Variants in LINGO2 observed in about 807,000 individuals in gnomAD.
The protein encoded by LINGO2 is leucine rich repeat and Ig domain containing 2.
A neutral mutation model predicts 30.6 loss-of-function variants in LINGO2; 14 were observed. The ratio of observed to expected loss-of-function variants is 0.46; its 90% CI spans 0.30 to 0.72. LINGO2 has a LOEUF of 0.72. Among genes scored for constraint, LINGO2 ranks in the 30% least tolerant of loss-of-function variants. The pLI, the probability that LINGO2 is intolerant of heterozygous loss-of-function variation, is 0.07. For missense variants in LINGO2, 729 were observed against 751.7 expected, an observed-to-expected ratio of 0.97 and a Z score of 0.35; for synonymous variants, 317 against 288.5, an observed-to-expected ratio of 1.10 and a Z score of -1.00.
chr9:28,575,864 T>A (rs1018895101), intron 1 of LINGO2, among the ~76,000 whole-genome samples: 1 of 151,934 alleles, frequency 6.6e-6, no homozygotes, highest in Non-Finnish European at 1.5e-5. Flanking sequence ...GTATATATTA[T>A]AAAATTAATG....
chr9:28,959,366 T>C, the LINGO2 span, among the ~76,000 whole-genome samples: 2 of 151,754 alleles, frequency 1.3e-5, no homozygotes, highest in East Asian at 1.9e-4. Flanking sequence ...GTAAAAGAGA[T>C]AGATCAGAGG....
the LINGO2 span, among the ~76,000 whole-genome samples, chr9:28,966,821 T>A: frequency 6.6e-6 from 1 of 152,138 alleles, no homozygotes; most frequent in African/African-American, 2.4e-5. Flanking sequence ...AAAAGCAGCA[T>A]TATTTGAAAA....
intron 1 of LINGO2, among the ~76,000 whole-genome samples, chr9:28,665,891 CTTT>C (rs35393752): frequency 1.5e-5 from 2 of 132,432 alleles, no homozygotes; most frequent in Non-Finnish European, 1.6e-5. Flanking sequence ...TTTGGTGTTA[CTTT>C]TTTTTTTTTT....
chr9:28,493,228 C>T (rs1038702301), intron 1 of LINGO2, among the ~76,000 whole-genome samples: 3 of 152,096 alleles, frequency 2.0e-5, no homozygotes, highest in African/African-American at 7.2e-5. Context: ...CCTTTTTGTC[C>T]TAAAGGGAAT....
Position 27,991,073 on chromosome 9 carries a change from A to G in LINGO2, c.-36+21282T>C, listed in dbSNP as rs72722848. Among the ~76,000 whole-genome samples, 621 of 152,168 alleles carry G rather than the reference A, an allele frequency of 4.1e-3. 1 individual carries two copies. Among genetic ancestry groups the G allele is most frequent in the Non-Finnish European group, 7.9e-3 (538 of 67,956 alleles). The stretch of plus-strand genomic sequence containing the variant: ...ATACTATACCGAAAAGCCAACAAAA[A>G]AAGGGAAGGGTACTCTGAAAATGCC... On this transcript the variant is annotated intron_variant, in intron 5 of 5. Coordinates refer to ENST00000379992, the Ensembl canonical transcript of LINGO2.
the LINGO2 span, among the ~76,000 whole-genome samples, chr9:29,148,901 T>C: frequency 6.6e-6 from 1 of 152,160 alleles, no homozygotes; most frequent in Non-Finnish European, 1.5e-5. Flanking sequence ...GCCAACTGTT[T>C]TTCAAATATT....
chr9:28,101,019 T>C (rs1826399777), intron 4 of LINGO2, among the ~76,000 whole-genome samples: 1 of 152,094 alleles, frequency 6.6e-6, no homozygotes, highest in African/African-American at 2.4e-5. Context: ...AACTGCTCCT[T>C]TGAATATCTT....
chr9:28,336,642 C>T (rs1410777752), intron 3 of LINGO2, among the ~76,000 whole-genome samples: 1 of 152,032 alleles, frequency 6.6e-6, no homozygotes, highest in Non-Finnish European at 1.5e-5. Flanking sequence ...TTCAATGGTT[C>T]TAGTACTGTT....
At chr9:28,630,389 T>A (rs1217375334) in intron 1 of LINGO2, among the ~76,000 whole-genome samples, 1 of 152,056 alleles carries the variant, frequency 6.6e-6, no homozygotes, top group Non-Finnish European at 1.5e-5. Context: ...AACTAATTAG[T>A]CCTAACTTGA....
the LINGO2 span, among the ~76,000 whole-genome samples, chr9:28,941,568 C>A: frequency 6.6e-6 from 1 of 152,104 alleles, no homozygotes; most frequent in Non-Finnish European, 1.5e-5. Flanking sequence ...ATCTGTAAAT[C>A]TTGAGACTTT....
the LINGO2 span, among the ~76,000 whole-genome samples, chr9:28,738,913 T>C: frequency 6.6e-6 from 1 of 152,018 alleles, no homozygotes; most frequent in African/African-American, 2.4e-5. Flanking sequence ...TAATTTCTTA[T>C]GTGAAAAATA....
At chr9:28,506,990 G>A (rs1820166482) in intron 1 of LINGO2, among the ~76,000 whole-genome samples, 2 of 151,990 alleles carry the variant, frequency 1.3e-5, no homozygotes, top group Admixed American at 1.3e-4. Context: ...CTGTGTAATG[G>A]AAAGTTCACA....
chr9:28,767,173 C>G, the LINGO2 span, among the ~76,000 whole-genome samples: 1 of 152,030 alleles, frequency 6.6e-6, no homozygotes, highest in Non-Finnish European at 1.5e-5. Flanking sequence ...TGATGTACAG[C>G]ATGATGAGTA....
At chr9:28,132,997 G>T (rs567125853) in intron 4 of LINGO2, among the ~76,000 whole-genome samples, 66 of 152,202 alleles carry the variant, frequency 4.3e-4, no homozygotes, top group Admixed American at 3.3e-4. Flanking sequence ...CTTTCAGCCC[G>T]TACATTTTTA....
chr9:28,375,693 T>C (rs1387203166), intron 2 of LINGO2, among the ~76,000 whole-genome samples: 1 of 152,172 alleles, frequency 6.6e-6, no homozygotes, highest in African/African-American at 2.4e-5. Context: ...ACAGGTAGAA[T>C]ACATGGGTCT....
chr9:28,556,544 T>C (rs1822708204), intron 1 of LINGO2, among the ~76,000 whole-genome samples: 1 of 152,042 alleles, frequency 6.6e-6, no homozygotes, highest in Non-Finnish European at 1.5e-5. Flanking sequence ...GTAGGAAGAA[T>C]CAATATCGTG....
chr9:28,054,483 C>T (rs529750941), intron 4 of LINGO2, among the ~76,000 whole-genome samples: 78 of 152,236 alleles, frequency 5.1e-4, no homozygotes, highest in African/African-American at 1.6e-3. Flanking sequence ...TAGACCTTAG[C>T]TAACGTAGTA....
intron 3 of LINGO2, among the ~76,000 whole-genome samples, chr9:28,316,896 A>T (rs1256204167): frequency 1.3e-5 from 2 of 152,154 alleles, no homozygotes; most frequent in African/African-American, 4.8e-5. Flanking sequence ...GAATACAGAA[A>T]GCTCAATCTC....
At chr9:28,937,833 A>C in the LINGO2 span, among the ~76,000 whole-genome samples, 1 of 152,162 alleles carries the variant, frequency 6.6e-6, no homozygotes, top group South Asian at 2.1e-4. Flanking sequence ...TACAAGGGCA[A>C]GTTTGTTACA....
Sources: allele counts gnomAD v4.1 joint callset (sites outside exome capture counted in the v4.1 genomes callset), GRCh38; gene constraint gnomAD v4.1.1; transcripts MANE v1.5; gene names NCBI Gene and HGNC (gene_info 2026-07-23, HGNC 2026-07-21).